Variants in PARD3B observed in about 807,000 individuals in gnomAD.
PARD3B encodes the protein partitioning defective 3 homolog B.
PARD3B carries 103 observed loss-of-function variants against 130.2 expected under a neutral mutation model. The ratio of observed to expected loss-of-function variants is 0.79; its 90% CI spans 0.67 to 0.93. The LOEUF is 0.93. Among genes scored for constraint, PARD3B ranks in the 40% least tolerant of loss-of-function variants. The probability of loss-of-function intolerance (pLI) is 0.00; values close to 1 mark genes in which losing one functional copy is unlikely to be tolerated. For synonymous variants in PARD3B, 583 were observed against 553.2 expected, an observed-to-expected ratio of 1.05 and a Z score of -0.76; for missense variants, 1,609 against 1,499.2, an observed-to-expected ratio of 1.07 and a Z score of -1.21.
chr2:205,198,129 T>C (rs990182836), intron 15 of PARD3B, among the ~76,000 whole-genome samples: 5 of 152,202 alleles, frequency 3.3e-5, no homozygotes, highest in Non-Finnish European at 7.3e-5. Flanking sequence ...CATTCAGAGT[T>C]AAGTTTAAAA....
chr2:204,553,651 C>CATATATATATATATATATATATATATAT (rs55744172), intron 1 of PARD3B, among the ~76,000 whole-genome samples: 1 of 83,424 alleles, frequency 1.2e-5, no homozygotes, highest in Non-Finnish European at 2.1e-5. Flanking sequence ...TATATATATC[C>CATATATATATATATATATATATATATAT]ATATATATAT....
chr2:204,904,709 G>T (rs983634454), intron 2 of PARD3B, among the ~76,000 whole-genome samples: 1 of 151,632 alleles, frequency 6.6e-6, no homozygotes, highest in African/African-American at 2.4e-5. Flanking sequence ...ATCCATGAAA[G>T]ATTTTGTTTT....
chr2:205,079,813 T>C (rs1337152112), intron 4 of PARD3B, among the ~76,000 whole-genome samples: 1 of 152,072 alleles, frequency 6.6e-6, no homozygotes. Flanking sequence ...AAAATTAATG[T>C]GCTTAAGAGT....
At chr2:204,571,966 A>G (rs186090708) in intron 1 of PARD3B, among the ~76,000 whole-genome samples, 1 of 152,200 alleles carries the variant, frequency 6.6e-6, no homozygotes, top group Non-Finnish European at 1.5e-5. Context: ...AAAAAATGGT[A>G]GGAGTGGATT....
intron 15 of PARD3B, among the ~76,000 whole-genome samples, chr2:205,208,982 A>G (rs1168762474): frequency 7.8e-6 from 1 of 127,898 alleles, no homozygotes; most frequent in Non-Finnish European, 1.6e-5. Flanking sequence ...CTACAAGGCT[A>G]CAGTAACCAA....
chr2:205,129,452 T>A (rs988172060), intron 10 of PARD3B, among the ~76,000 whole-genome samples: 4 of 152,228 alleles, frequency 2.6e-5, no homozygotes, highest in African/African-American at 7.2e-5. Flanking sequence ...CATCTTTGTG[T>A]TTTCCTTTCA....
intron 20 of PARD3B, among the ~76,000 whole-genome samples, chr2:205,486,925 A>C (rs902965781): frequency 3.3e-5 from 5 of 152,176 alleles, no homozygotes; most frequent in Admixed American, 3.3e-4. Context: ...TATGGACGTA[A>C]AAGGAATGAA....
At chr2:205,000,772 A>G (rs1235575660) in intron 3 of PARD3B, among the ~76,000 whole-genome samples, 3 of 152,152 alleles carry the variant, frequency 2.0e-5, no homozygotes, top group Non-Finnish European at 2.9e-5. Context: ...TCCTGAGTAC[A>G]TCGTCCCTAC....
At chr2:205,278,686 A>T (rs983629421) in intron 16 of PARD3B, among the ~76,000 whole-genome samples, 7 of 152,182 alleles carry the variant, frequency 4.6e-5, no homozygotes, top group African/African-American at 1.7e-4. Flanking sequence ...CTTCCATAAT[A>T]GAATGAAAAA....
At position 205,562,470 on chromosome 2, in the gene PARD3B, C is replaced by CT. The variant is rs1163916473; in HGVS notation, c.3260+9071dup. ...GCTACACATTTGTTGGCTAAGTACT[C>CT]TTTTGAGAGGAAGAGTATGTGCCTG... is the stretch of plus-strand genomic sequence containing the variant. On this transcript the variant is annotated intron_variant, in intron 22 of 22. Coordinates refer to ENST00000406610, the MANE Select transcript of PARD3B (RefSeq NM_001302769.2). The surrounding 1 kb of genome is among the most constrained non-coding windows in gnomAD (Gnocchi z 5.4). Among the ~76,000 whole-genome samples the CT allele has an allele frequency of 6.6e-6, 1 of 152,158 alleles. No individual in the cohort carries two copies. The highest frequency in any genetic ancestry group is 1.5e-5 in the Non-Finnish European group (1 of 68,032).
chr2:205,613,173 G>C lies in PARD3B; in HGVS notation c.3261-2283G>C, dbSNP rs571470188. ...TAAACAGGAAGCATTCATGCTAAGAGAGTCCGGAGGGAGGGCTGGTTGTAT... is the reference window on the plus strand; with the variant it reads ...TAAACAGGAAGCATTCATGCTAAGACAGTCCGGAGGGAGGGCTGGTTGTAT... On this transcript the variant is annotated intron_variant, in intron 22 of 22. Coordinates refer to ENST00000406610, the MANE Select transcript of PARD3B (RefSeq NM_001302769.2). 1.1e-4 allele frequency among the ~76,000 whole-genome samples: 16 copies of C among 152,336 alleles called. No individual in the cohort carries two copies. In the South Asian group the frequency reaches 3.3e-3, roughly 32 times the overall value.
intron 18 of PARD3B, among the ~76,000 whole-genome samples, chr2:205,370,943 A>G (rs978123777): frequency 6.6e-6 from 1 of 151,960 alleles, no homozygotes; most frequent in Non-Finnish European, 1.5e-5. Context: ...TGTGTATGTC[A>G]TTTCATTCAC....
At chr2:204,586,659 C>T (rs553092082) in intron 1 of PARD3B, among the ~76,000 whole-genome samples, 22 of 152,106 alleles carry the variant, frequency 1.4e-4, no homozygotes, top group African/African-American at 4.8e-4. Context: ...GAATTTATGA[C>T]TTCCATAAAT....
At chr2:205,560,231 T>C (rs1422617916) in intron 22 of PARD3B, among the ~76,000 whole-genome samples, 1 of 152,210 alleles carries the variant, frequency 6.6e-6, no homozygotes, top group African/African-American at 2.4e-5. Context: ...CTCACCTGTT[T>C]GTATTTCTTA....
intron 1 of PARD3B, among the ~76,000 whole-genome samples, chr2:204,586,507 G>T (rs1381231987): frequency 6.6e-6 from 1 of 152,182 alleles, no homozygotes; most frequent in East Asian, 1.9e-4. Flanking sequence ...GTGGAGGCAG[G>T]GTTAGAACTG....
At chr2:204,690,221 G>C (rs1456257826) in intron 2 of PARD3B, among the ~76,000 whole-genome samples, 1 of 152,024 alleles carries the variant, frequency 6.6e-6, no homozygotes, top group Non-Finnish European at 1.5e-5. Flanking sequence ...ACCACCATAT[G>C]CAATTACAAA....
intron 18 of PARD3B, among the ~76,000 whole-genome samples, chr2:205,320,741 A>T (rs1398870763): frequency 6.6e-6 from 1 of 152,246 alleles, no homozygotes; most frequent in Non-Finnish European, 1.5e-5. Flanking sequence ...ATTTTAAGTC[A>T]AAATTATTAC....
intron 2 of PARD3B, among the ~76,000 whole-genome samples, chr2:204,921,461 A>C (rs987726877): frequency 2.6e-5 from 4 of 151,982 alleles, no homozygotes; most frequent in African/African-American, 9.7e-5. Flanking sequence ...ATTTGGATTG[A>C]TTTGGAATGA....
intron 2 of PARD3B, among the ~76,000 whole-genome samples, chr2:204,707,673 C>T (rs536507304): frequency 6.6e-6 from 1 of 151,990 alleles, no homozygotes; most frequent in African/African-American, 2.4e-5. Flanking sequence ...TGCAATAAGC[C>T]CTTTTTCAAT....
Sources: allele counts gnomAD v4.1 joint callset (sites outside exome capture counted in the v4.1 genomes callset), GRCh38; gene constraint gnomAD v4.1.1; non-coding constraint Gnocchi (gnomAD v3.1); transcripts MANE v1.5; gene names NCBI Gene and HGNC (gene_info 2026-07-23, HGNC 2026-07-21).